The following SLC8A1 variants were observed in gnomAD, a reference collection of about 807,000 sequenced individuals.
The protein encoded by SLC8A1 is solute carrier family 8 member A1, also known as sodium/calcium exchanger 1.
In SLC8A1, 18 loss-of-function variants were observed where a neutral mutation model predicts 68.3. That is an observed-to-expected ratio of 0.26 (90% CI 0.18 to 0.39). The LOEUF is 0.39. SLC8A1 is among the 10% of genes least tolerant of loss of function. The probability of loss-of-function intolerance (pLI) is 1.00; values close to 1 mark genes in which losing one functional copy is unlikely to be tolerated. For missense variants in SLC8A1, 985 were observed against 1,156.7 expected (o/e 0.85, Z 2.15); for synonymous variants, 475 against 415.5 (o/e 1.14, Z -1.74).
chr2:40,358,534 C>T (rs80113359), intron 2 of SLC8A1, among the ~76,000 whole-genome samples: 1 of 152,064 alleles, frequency 6.6e-6, no homozygotes, highest in Non-Finnish European at 1.5e-5. Context: ...ATTTTAAAAC[C>T]TAATCCAGTC....
intron 2 of SLC8A1, among the ~76,000 whole-genome samples, chr2:40,229,649 C>T (rs190003699): frequency 3.3e-5 from 5 of 152,264 alleles, no homozygotes; most frequent in South Asian, 2.1e-4. Flanking sequence ...ATCATCTCCA[C>T]GTTCCATCCT....
intron 2 of SLC8A1, among the ~76,000 whole-genome samples, chr2:40,336,081 C>T (rs555292513): frequency 5.3e-5 from 8 of 152,256 alleles, no homozygotes; most frequent in South Asian, 2.1e-4. Context: ...GACTTAAAAA[C>T]GAAATCCCTG....
At chr2:40,126,675 A>T (rs2038170432) in intron 7 of SLC8A1, among the ~76,000 whole-genome samples, 2 of 152,308 alleles carry the variant, frequency 1.3e-5, no homozygotes, top group East Asian at 3.9e-4. Flanking sequence ...GTTAGAGATT[A>T]GTAGTGTACA....
intron 2 of SLC8A1, among the ~76,000 whole-genome samples, chr2:40,225,808 G>T (rs551651809): frequency 6.6e-6 from 1 of 152,100 alleles, no homozygotes; most frequent in South Asian, 2.1e-4. Flanking sequence ...CTTTACCTTG[G>T]CCTCACTTGG....
At chr2:40,437,996 G>C (rs554180614) in intron 1 of SLC8A1, among the ~76,000 whole-genome samples, 1 of 151,288 alleles carries the variant, frequency 6.6e-6, no homozygotes, top group Non-Finnish European at 1.5e-5. Context: ...TTTGAACATT[G>C]ACACTGAGCA....
At chr2:40,156,299 A>T (rs2044471154) in intron 6 of SLC8A1, among the ~76,000 whole-genome samples, 1 of 151,734 alleles carries the variant, frequency 6.6e-6, no homozygotes, top group South Asian at 2.1e-4. Context: ...CAAAAATCAG[A>T]AGTGTTAAAT....
At chr2:40,412,281 T>C (rs1692385549) in intron 2 of SLC8A1, among the ~76,000 whole-genome samples, 1 of 152,142 alleles carries the variant, frequency 6.6e-6, no homozygotes. Context: ...GATGGTGTAT[T>C]AAGTGTACTT....
intron 1 of SLC8A1, among the ~76,000 whole-genome samples, chr2:40,460,580 AAT>A (rs1491456342): frequency 9.1e-6 from 1 of 109,578 alleles, no homozygotes; most frequent in Non-Finnish European, 1.9e-5. Context: ...AGTATTTTTT[AAT>A]TTTTTTTTTT....
intron 3 of SLC8A1, among the ~76,000 whole-genome samples, chr2:40,175,763 G>C (rs1021808903): frequency 1.5e-4 from 23 of 152,074 alleles, no homozygotes; most frequent in Non-Finnish European, 3.1e-4. Flanking sequence ...TATTCAGTAA[G>C]TACAGGTGAA....
chr2:40,382,650 C>T (rs1682236877), intron 2 of SLC8A1, among the ~76,000 whole-genome samples: 2 of 111,978 alleles, frequency 1.8e-5, no homozygotes, highest in African/African-American at 8.6e-5. Flanking sequence ...AATTAGATTG[C>T]CTTGCAACCA....
At chr2:40,239,225 AC>A (rs1203838612) in intron 2 of SLC8A1, among the ~76,000 whole-genome samples, 1 of 152,156 alleles carries the variant, frequency 6.6e-6, no homozygotes, top group East Asian at 1.9e-4. Flanking sequence ...TGAACACAGT[AC>A]CCCAATTCTA....
intron 1 of SLC8A1, among the ~76,000 whole-genome samples, chr2:40,457,507 G>C (rs1410707256): frequency 6.6e-6 from 1 of 152,128 alleles, no homozygotes; most frequent in Non-Finnish European, 1.5e-5. Flanking sequence ...AAACCTAAGG[G>C]GAAAATTGAC....
chr2:40,108,984 A>G (rs2034395108), exon 8 of SLC8A1: 3 of 152,214 alleles, frequency 2.0e-5, no homozygotes, highest in South Asian at 4.1e-4. Flanking sequence ...TTCTTGGCGA[A>G]TAAGCAATCT....
intron 2 of SLC8A1, among the ~76,000 whole-genome samples, chr2:40,345,143 G>A (rs1480250864): frequency 6.6e-6 from 1 of 152,084 alleles, no homozygotes; most frequent in Non-Finnish European, 1.5e-5. Flanking sequence ...AAGAAACTCT[G>A]CACACGGTGG....
intron 2 of SLC8A1, among the ~76,000 whole-genome samples, chr2:40,326,428 A>G (rs1220993719): frequency 6.6e-6 from 1 of 150,480 alleles, no homozygotes; most frequent in Non-Finnish European, 1.5e-5. Flanking sequence ...AAAGGCTCCA[A>G]TAAGCAGCAG....
At chr2:40,123,229 A>G (rs1484527828) in intron 7 of SLC8A1, 2 of 152,276 alleles carry the variant, frequency 1.3e-5, no homozygotes, top group East Asian at 3.8e-4. Context: ...CAAGGAAAAT[A>G]TCAAGAAGCT....
intron 1 of SLC8A1, among the ~76,000 whole-genome samples, chr2:40,451,404 C>T (rs1263089821): frequency 6.6e-6 from 1 of 152,136 alleles, no homozygotes; most frequent in African/African-American, 2.4e-5. Context: ...ACCCAACGCC[C>T]GCTGGAAAAC....
exon 8 of SLC8A1, chr2:40,103,655 T>G (rs2034031110): frequency 6.6e-6 from 1 of 152,198 alleles, no homozygotes; most frequent in African/African-American, 2.4e-5. Context: ...TCATTTAAAA[T>G]AGTGGTTTCA....
In SLC8A1 at chr2:40,122,230, G is replaced by A. The variant is rs1455373913; in HGVS notation, c.2438-6601C>T. Among the ~76,000 whole-genome samples, 4 of 110,060 alleles carry A rather than the reference G, an allele frequency of 3.6e-5. No homozygotes were observed. The Admixed American group carries it at 4.1e-4, about 11-fold the overall frequency. The allele number at this position is 110,060 out of a possible 152,430, so 72.2% of individuals were successfully genotyped here. A position where few individuals can be genotyped will look rare whatever the true frequency, so the allele number is the denominator to read the frequency against. ...CGCACACACACACACACACACGTGT[G>A]CGCGCGCACACACACACACACACTT... is the stretch of plus-strand genomic sequence containing the variant. On this transcript the variant is annotated intron_variant, in intron 7 of 7. Transcript: ENST00000406785.
Sources: allele counts gnomAD v4.1 joint callset (sites outside exome capture counted in the v4.1 genomes callset), GRCh38; gene constraint gnomAD v4.1.1; transcripts MANE v1.5; gene names NCBI Gene and HGNC (gene_info 2026-07-23, HGNC 2026-07-21).